FAAH2: variants seen among roughly 807,000 people sequenced by gnomAD.
FAAH2 encodes the protein fatty-acid amide hydrolase 2.
Under a neutral mutation model 36.9 loss-of-function variants are expected in FAAH2, and 60 were observed. The ratio of observed to expected loss-of-function variants is 1.63; its 90% CI spans 1.32 to 2.02. The LOEUF (loss-of-function observed/expected upper bound fraction) is 2.02, where lower values mean the gene tolerates loss of function less well. Ranked by LOEUF, FAAH2 falls within the 30% of genes most tolerant of loss-of-function variation. FAAH2 has a pLI of 0.00. For synonymous variants in FAAH2, 214 were observed against 143.8 expected, an observed-to-expected ratio of 1.49 and a Z score of -3.49; for missense variants, 689 against 397.5, an observed-to-expected ratio of 1.73 and a Z score of -6.23.
intron 10 of FAAH2, among the ~76,000 whole-genome samples, chrX:57,488,112 G>A (rs1195272102): frequency 1.8e-5 from 2 of 111,674 alleles, no homozygotes; most frequent in Admixed American, 9.5e-5. Flanking sequence ...CTGGGGATTG[G>A]GGGAATAGAG....
intron 7 of FAAH2, among the ~76,000 whole-genome samples, chrX:57,390,455 C>A (rs1487420391): frequency 9.0e-6 from 1 of 110,960 alleles, no homozygotes; most frequent in Non-Finnish European, 1.9e-5. Context: ...ACATTTTATC[C>A]CACAGGTAAT....
At chrX:57,299,360 G>A (rs919448009) in intron 2 of FAAH2, among the ~76,000 whole-genome samples, 2 of 111,983 alleles carry the variant, frequency 1.8e-5, no homozygotes, top group Admixed American at 1.9e-4. Context: ...AAAACCACAT[G>A]ATTATCTCAA....
chrX:57,420,994 T>C (rs1330139069), intron 7 of FAAH2, among the ~76,000 whole-genome samples: 2 of 112,535 alleles, frequency 1.8e-5, no homozygotes, highest in Non-Finnish European at 3.8e-5. Context: ...GGTTTTTGTC[T>C]TTGGTTTTGT....
chrX:57,352,020 GTATATATATATATATACATATATATA>G (rs1569283573), intron 5 of FAAH2, among the ~76,000 whole-genome samples: 1 of 7,765 alleles, frequency 1.3e-4, no homozygotes, highest in Non-Finnish European at 1.9e-3. Flanking sequence ...ATGTGTGTGT[GTATATATATATATATACATATATATA>G]TGTGTATATA....
At chrX:57,429,472 A>T (rs1225574698) in intron 7 of FAAH2, among the ~76,000 whole-genome samples, 1 of 112,363 alleles carries the variant, frequency 8.9e-6, no homozygotes, top group African/African-American at 3.2e-5. Flanking sequence ...ATGCAAATTA[A>T]AATTTCGATT....
intron 7 of FAAH2, chrX:57,394,325 A>G: frequency 1.8e-6 from 2 of 1,092,726 alleles, no homozygotes; most frequent in Non-Finnish European, 2.5e-6. Context: ...TATTCCAGTC[A>G]CCACCTGATA....
intron 1 of FAAH2, among the ~76,000 whole-genome samples, chrX:57,289,845 A>C (rs907406272): frequency 5.5e-5 from 6 of 109,992 alleles, no homozygotes; most frequent in Non-Finnish European, 9.5e-5. Context: ...GAGAGGGGAG[A>C]AGGGAATAAG....
At chrX:57,192,134 AT>A in the FAAH2 span, among the ~76,000 whole-genome samples, 1 of 110,975 alleles carries the variant, frequency 9.0e-6, no homozygotes, top group African/African-American at 3.3e-5. Context: ...GTTCTTTTCA[AT>A]TTTTTTTAAA....
At position 57,403,224 on chromosome X, in the gene FAAH2, C is replaced by A. The variant is rs964158539; in HGVS notation, c.996+22195C>A. Among the ~76,000 whole-genome samples, 3 of 112,226 alleles carry A rather than the reference C, an allele frequency of 2.7e-5. No individual in the cohort carries two copies. The East Asian group carries it at 8.4e-4, about 31-fold the overall frequency. ...AAACAAACAAACAAACATAGGGACG[C>A]CAGCACCCCTAGTAATTTTCCAATG... On this transcript the variant is annotated intron_variant, in intron 7 of 10. Transcript: ENST00000374900.
At chrX:57,160,929 G>C in the FAAH2 span, among the ~76,000 whole-genome samples, 1 of 111,522 alleles carries the variant, frequency 9.0e-6, no homozygotes, top group African/African-American at 3.3e-5. Flanking sequence ...TCTTGCTTCT[G>C]TAGTTCTTTT....
At chrX:57,152,696 C>A in the FAAH2 span, among the ~76,000 whole-genome samples, 1 of 111,946 alleles carries the variant, frequency 8.9e-6, no homozygotes, top group African/African-American at 3.2e-5. Context: ...GGAAAGGGAT[C>A]TCCCTGACCC....
In FAAH2 at chrX:57,469,222, T is replaced by A. The variant is rs763369753; in HGVS notation, c.1424-19535T>A. Among the ~76,000 whole-genome samples, 25 of 111,910 alleles carry A rather than the reference T, an allele frequency of 2.2e-4. No individual in the cohort carries two copies. In the Admixed American group the frequency reaches 2.4e-3, roughly 11 times the overall value. On this transcript the variant is annotated intron_variant, in intron 10 of 10. Transcript: ENST00000374900. The stretch of plus-strand genomic sequence containing the variant: ...GCAAAATAACCAGCTAACATCATAA[T>A]GAAAGGATCAAATTCACACATACCA...
chrX:57,393,446 G>A (rs894035527), intron 7 of FAAH2: 10 of 855,621 alleles, frequency 1.2e-5, no homozygotes, highest in African/African-American at 6.0e-5. Flanking sequence ...TCCCGCCTCC[G>A]TCACTACAAA....
At chrX:57,479,377 A>C (rs1258644046) in intron 10 of FAAH2, among the ~76,000 whole-genome samples, 2 of 111,821 alleles carry the variant, frequency 1.8e-5, no homozygotes, top group African/African-American at 3.2e-5. Context: ...TATCAGCTTA[A>C]GGAGATTTTG....
At chrX:57,195,377 G>A in the FAAH2 span, among the ~76,000 whole-genome samples, 1 of 111,057 alleles carries the variant, frequency 9.0e-6, no homozygotes, top group Non-Finnish European at 1.9e-5. Context: ...GCATTTTATA[G>A]CATGTTTGTT....
rs760603881 is a variant in FAAH2, at chrX:57,345,772, T to G, written c.742+4382T>G. On this transcript the variant is annotated intron_variant, in intron 5 of 10. Coordinates refer to ENST00000374900, the MANE Select transcript of FAAH2 (RefSeq NM_174912.4). ...GATTCAGGCTTTTAACATCTTAAAC[T>G]TTACTCTTAACAGTGCATTACCTGA... 7.9e-4 allele frequency among the ~76,000 whole-genome samples: 88 copies of G among 111,608 alleles called. 2 individuals are homozygous for G. The highest frequency in any genetic ancestry group is 2.8e-3 in the African/African-American group (86 of 30,814).
chrX:57,183,489 A>T, the FAAH2 span, among the ~76,000 whole-genome samples: 3 of 111,982 alleles, frequency 2.7e-5, no homozygotes, highest in African/African-American at 9.7e-5. Context: ...TGTTGCGGGA[A>T]GTCAGGGATC....
At chrX:57,339,835 T>C (rs2053643072) in intron 4 of FAAH2, among the ~76,000 whole-genome samples, 1 of 112,030 alleles carries the variant, frequency 8.9e-6, no homozygotes, top group Admixed American at 9.5e-5. Flanking sequence ...TGGAAGACAG[T>C]GTAGCAATTC....
the FAAH2 span, among the ~76,000 whole-genome samples, chrX:57,130,604 T>A: frequency 8.9e-6 from 1 of 112,402 alleles, no homozygotes; most frequent in Admixed American, 9.4e-5. Context: ...GTGCCCACTG[T>A]TTAGTGTCTT....
Sources: allele counts gnomAD v4.1 joint callset (sites outside exome capture counted in the v4.1 genomes callset), GRCh38; gene constraint gnomAD v4.1.1; transcripts MANE v1.5; gene names NCBI Gene and HGNC (gene_info 2026-07-23, HGNC 2026-07-21).